Variants in RELN observed in about 807,000 individuals in gnomAD.
RELN encodes reelin.
In RELN, 108 loss-of-function variants were observed where a neutral mutation model predicts 427.6. The ratio of observed to expected loss-of-function variants is 0.25; its 90% CI spans 0.22 to 0.30. The LOEUF (loss-of-function observed/expected upper bound fraction) is 0.30, where lower values mean the gene tolerates loss of function less well. Ranked by LOEUF, RELN falls within the 10% of genes least tolerant of loss-of-function variation. RELN has a pLI of 1.00. For missense variants in RELN, 3,715 were observed against 4,302.8 expected (o/e 0.86, Z 3.82); for synonymous variants, 1,524 against 1,513.4 (o/e 1.01, Z -0.16).
chr7:103,539,766 T>A (rs1405504064), intron 44 of RELN, among the ~76,000 whole-genome samples: 2 of 152,264 alleles, frequency 1.3e-5, no homozygotes, highest in Non-Finnish European at 2.9e-5. Flanking sequence ...TTATTATGTA[T>A]AAAGATCCTT....
rs562615788 is a variant in RELN at position 103,727,822 on chromosome 7, A to C, written c.753+289T>G. 2.6e-4 allele frequency among the ~76,000 whole-genome samples: 40 copies of C among 152,286 alleles called. No individual in the cohort carries two copies. In the South Asian group the frequency reaches 7.3e-3, roughly 28 times the overall value. The stretch of plus-strand genomic sequence containing the variant: ...CTTAGAAGGTCATAAATTGTTTATT[A>C]TGGATATTATAGCAAATACTCATAT... On this transcript the variant is annotated intron_variant, in intron 7 of 64. Coordinates refer to ENST00000428762, the MANE Select transcript of RELN (RefSeq NM_005045.4).
intron 4 of RELN, among the ~76,000 whole-genome samples, chr7:103,770,682 T>C (rs1291420775): frequency 6.6e-6 from 1 of 151,890 alleles, no homozygotes; most frequent in Non-Finnish European, 1.5e-5. Flanking sequence ...CAAATAATAA[T>C]GGTACATATT....
chr7:103,962,406 T>C (rs1037920057), intron 1 of RELN, among the ~76,000 whole-genome samples: 5 of 152,046 alleles, frequency 3.3e-5, no homozygotes, highest in Admixed American at 6.6e-5. Flanking sequence ...CTTCCCTCTC[T>C]TTGCTCTTCC....
intron 49 of RELN, among the ~76,000 whole-genome samples, chr7:103,518,479 C>T (rs953209471): frequency 2.8e-5 from 4 of 143,444 alleles, no homozygotes; most frequent in African/African-American, 1.1e-4. Context: ...ACTACAGGCA[C>T]ATGCCACCAC....
At chr7:103,632,554 T>C (rs1433362681) in intron 19 of RELN, among the ~76,000 whole-genome samples, 1 of 152,092 alleles carries the variant, frequency 6.6e-6, no homozygotes, top group African/African-American at 2.4e-5. Context: ...TATCTTTGGG[T>C]GTAGGGGGAG....
At chr7:103,539,550 A>T in intron 44 of RELN, 2 of 563,298 alleles carry the variant, frequency 3.6e-6, no homozygotes, top group Non-Finnish European at 6.3e-6. Flanking sequence ...GATTGACAAA[A>T]CCATTCACAG....
chr7:103,967,967 G>A (rs985424893), intron 1 of RELN, among the ~76,000 whole-genome samples: 3 of 150,462 alleles, frequency 2.0e-5, no homozygotes, highest in Non-Finnish European at 4.4e-5. Context: ...ATTTCCTTTG[G>A]GTTTGATTTT....
chr7:103,672,671 T>C (rs1254701362), intron 11 of RELN, among the ~76,000 whole-genome samples: 1 of 152,140 alleles, frequency 6.6e-6, no homozygotes, highest in East Asian at 1.9e-4. Flanking sequence ...AATATATTTC[T>C]TGTTTAGAGA....
intron 2 of RELN, among the ~76,000 whole-genome samples, chr7:103,907,705 G>T (rs1795244695): frequency 6.6e-6 from 1 of 151,550 alleles, no homozygotes; most frequent in African/African-American, 2.4e-5. Flanking sequence ...AAATTTTATA[G>T]TATGTAAATT....
At chr7:103,531,831 C>T (rs28503454) in intron 46 of RELN, among the ~76,000 whole-genome samples, 3,403 of 152,212 alleles carry the variant, frequency 0.022, 126 homozygotes, top group African/African-American at 0.078. Context: ...AAAAGGAATG[C>T]GTTTACCCTG....
intron 27 of RELN, among the ~76,000 whole-genome samples, chr7:103,591,529 A>ATAGT (rs1190145311): frequency 1.1e-4 from 16 of 152,214 alleles, no homozygotes; most frequent in African/African-American, 3.9e-4. Context: ...CCAAGTTTAT[A>ATAGT]TAGTAAAACA....
intron 2 of RELN, among the ~76,000 whole-genome samples, chr7:103,906,583 T>TG (rs1795210936): frequency 6.6e-6 from 1 of 152,152 alleles, no homozygotes; most frequent in Non-Finnish European, 1.5e-5. Flanking sequence ...TGAGCCGTTA[T>TG]AGAGCATGGC....
intron 4 of RELN, among the ~76,000 whole-genome samples, chr7:103,756,731 T>G (rs1424245808): frequency 1.3e-5 from 2 of 151,118 alleles, no homozygotes; most frequent in Non-Finnish European, 2.9e-5. Flanking sequence ...CAAATTTACA[T>G]CGTATTTTAA....
intron 49 of RELN, among the ~76,000 whole-genome samples, chr7:103,518,837 C>CT (rs1234837011): frequency 2.0e-5 from 3 of 151,998 alleles, no homozygotes; most frequent in Non-Finnish European, 4.4e-5. Flanking sequence ...CCCTTCAGTA[C>CT]TTTTTTTAAA....
chr7:103,795,611 A>G (rs1792280529), intron 3 of RELN, among the ~76,000 whole-genome samples: 1 of 152,226 alleles, frequency 6.6e-6, no homozygotes, highest in Non-Finnish European at 1.5e-5. Flanking sequence ...GAAGACATGA[A>G]CAAAACATCC....
chr7:103,987,603 C>T (rs1797130681), intron 1 of RELN, among the ~76,000 whole-genome samples: 1 of 152,116 alleles, frequency 6.6e-6, no homozygotes, highest in Non-Finnish European at 1.5e-5. Flanking sequence ...GAGATCATAC[C>T]GGGCAAGAAC....
At chr7:103,850,768 A>C (rs533160950) in intron 2 of RELN, among the ~76,000 whole-genome samples, 98 of 152,318 alleles carry the variant, frequency 6.4e-4, no homozygotes, top group Middle Eastern at 3.4e-3. Flanking sequence ...GGAAATGCAA[A>C]TCAAAACCAC....
intron 20 of RELN, chr7:103,628,028 T>A (rs1296289752): frequency 6.6e-6 from 1 of 152,252 alleles, no homozygotes; most frequent in Non-Finnish European, 1.5e-5. Context: ...GCATTCATGA[T>A]ATGATTCTTT....
intron 47 of RELN, 74 bp downstream of exon 47, chr7:103,523,317 C>T: frequency 1.3e-6 from 2 of 1,564,512 alleles, no homozygotes; most frequent in Non-Finnish European, 8.8e-7. Context: ...ATTCAAAAAC[C>T]AGTTACAGAA....
Sources: allele counts gnomAD v4.1 joint callset (sites outside exome capture counted in the v4.1 genomes callset), GRCh38; gene constraint gnomAD v4.1.1; transcripts MANE v1.5; gene names NCBI Gene and HGNC (gene_info 2026-07-23, HGNC 2026-07-21).